MTSS2: variants seen among roughly 807,000 people sequenced by gnomAD.
The protein encoded by MTSS2 is MTSS I-BAR domain containing 2, also known as protein MTSS 2.
Under a neutral mutation model 67.1 loss-of-function variants are expected in MTSS2, and 27 were observed. The observed-to-expected ratio is 0.40, with a 90% CI of 0.30 to 0.55. The LOEUF (loss-of-function observed/expected upper bound fraction) is 0.55, where lower values mean the gene tolerates loss of function less well. Ranked by LOEUF, MTSS2 falls within the 20% of genes least tolerant of loss-of-function variation. MTSS2 has a pLI of 0.43. For missense variants in MTSS2, 1,171 were observed against 1,067.8 expected (o/e 1.10, Z -1.35); for synonymous variants, 624 against 468.6 (o/e 1.33, Z -4.28).
Position 70,663,364 on chromosome 16 carries a change from A to C in MTSS2, c.*313T>G. 1 of 384,870 alleles carries C rather than the reference A, an allele frequency of 2.6e-6. No homozygotes were observed. The allele number at this position is 384,870 out of a possible 1,614,324, so 23.8% of individuals were successfully genotyped here. A position where few individuals can be genotyped will look rare whatever the true frequency, so the allele number is the denominator to read the frequency against. On this transcript the variant is annotated 3_prime_UTR_variant, in exon 15 of 15. Transcript: ENST00000338779. ...CCAGCCTGGCCCCTCTGTCATGGGC[A>C]GCGGCCCTGGCTCTGGTGCTTATGG...
Position 70,661,474 on chromosome 16 carries a change from A to G in MTSS2, c.*2203T>C. 1 of 354,260 alleles carries G rather than the reference A, an allele frequency of 2.8e-6. No individual in the cohort carries two copies. The highest frequency in any genetic ancestry group is 5.6e-6 in the Non-Finnish European group (1 of 179,404). The allele number at this position is 354,260 out of a possible 1,614,324, so 21.9% of individuals were successfully genotyped here. On this transcript the variant is annotated 3_prime_UTR_variant, in exon 15 of 15. Coordinates refer to ENST00000338779, the MANE Select transcript of MTSS2 (RefSeq NM_138383.3). ...AACGAGTTAACAACAGCACCAGGAAAGTTACTTCAGTCAAAAGACGCTTTT... is the reference window on the plus strand; with the variant it reads ...AACGAGTTAACAACAGCACCAGGAAGGTTACTTCAGTCAAAAGACGCTTTT...
At chr16:70,677,255 C>G (rs1296497045) in intron 9 of MTSS2, among the ~76,000 whole-genome samples, 1 of 152,202 alleles carries the variant, frequency 6.6e-6, no homozygotes, top group South Asian at 2.1e-4. Context: ...GCAGGTTGCT[C>G]CTGCGCCTCC....
Position 70,664,150 on chromosome 16 carries a change from C to T in MTSS2, c.1771G>A (p.Val591Ile), listed in dbSNP as rs201877107. The part of the protein sequence containing the change: ...AGPIPIRPPI[V>I]PVKTPTVPDS... ...GGCACCGTGGGCGTCTTCACAGGGA[C>T]GATGGGCGGCCGGATGGGGATGGGG... The change falls in exon 15 of 15, where the codon GTC (valine) becomes ATC (isoleucine). Residue 591 changes from valine to isoleucine, a missense_variant. Transcript: ENST00000338779. 137 of 1,608,538 alleles carry T rather than the reference C, an allele frequency of 8.5e-5. No individual in the cohort carries two copies. Among genetic ancestry groups the T allele is most frequent in the Non-Finnish European group, 9.9e-5 (117 of 1,179,574 alleles).
chr16:70,678,151 C>T (rs1384750098), intron 8 of MTSS2, 101 bp downstream of exon 8: 29 of 1,431,660 alleles, frequency 2.0e-5, no homozygotes, highest in Non-Finnish European at 1.4e-5. Flanking sequence ...GCCTTGATGC[C>T]CCCAGCCAGG....
At chr16:70,675,224 A>T (rs530836707) in intron 10 of MTSS2, among the ~76,000 whole-genome samples, 1 of 152,092 alleles carries the variant, frequency 6.6e-6, no homozygotes, top group South Asian at 2.1e-4. Context: ...GGAATTTGAG[A>T]CCAGCCTGGG....
chr16:70,685,310 C>A (rs2053417892), intron 1 of MTSS2, among the ~76,000 whole-genome samples: 1 of 152,032 alleles, frequency 6.6e-6, no homozygotes, highest in African/African-American at 2.4e-5. Context: ...CCTGCTTTGG[C>A]GGTGACAGCA....
intron 9 of MTSS2, among the ~76,000 whole-genome samples, chr16:70,677,553 G>A (rs2053159842): frequency 6.6e-6 from 1 of 152,170 alleles, no homozygotes; most frequent in African/African-American, 2.4e-5. Context: ...TGACTCCATG[G>A]ATCCAGGACT....
At chr16:70,679,079 T>C (rs1298057565) in intron 7 of MTSS2, among the ~76,000 whole-genome samples, 1 of 152,092 alleles carries the variant, frequency 6.6e-6, no homozygotes, top group African/African-American at 2.4e-5. Flanking sequence ...CATCCCGCCC[T>C]GGCCAACCCC....
At position 70,678,279 on chromosome 16, in the gene MTSS2, G is replaced by A. The variant is rs934782329; in HGVS notation, c.597C>T (p.Thr199=). 11 of 1,611,188 alleles carry A rather than the reference G, an allele frequency of 6.8e-6. No homozygotes were observed. The highest frequency in any genetic ancestry group is 8.5e-6 in the Non-Finnish European group (10 of 1,179,614). The stretch of plus-strand genomic sequence containing the variant: ...CCACAGGCTGCAGGAAGGTGATGAA[G>A]GTGCAGAAGCGGCCCCGCTCCTCGA... The part of the protein sequence containing the change: ...ALIEERGRFC[T]FITFLQPVVN... The change falls in exon 8 of 15, where the codon ACC becomes ACT. Residue 199 remains threonine (T), a synonymous_variant. Coordinates refer to ENST00000338779, the MANE Select transcript of MTSS2 (RefSeq NM_138383.3).
intron 11 of MTSS2, among the ~76,000 whole-genome samples, chr16:70,670,995 A>C (rs34887978): frequency 4.0e-5 from 6 of 149,000 alleles, no homozygotes; most frequent in East Asian, 1.9e-4. Context: ...AAAAAAAAAA[A>C]GTCAAAAGTA....
rs189236470 is a variant in MTSS2 at position 70,667,618 on chromosome 16, C to T, written c.1054-2078G>A. On this transcript the variant is annotated intron_variant, in intron 11 of 14. Coordinates refer to ENST00000338779, the MANE Select transcript of MTSS2 (RefSeq NM_138383.3). ...CTGGGCATGGTGGCTCACACCTATACTCCCAGCACTTTGGGAGGCCAAGAC... is the reference window on the plus strand; with the variant it reads ...CTGGGCATGGTGGCTCACACCTATATTCCCAGCACTTTGGGAGGCCAAGAC... Among the ~76,000 whole-genome samples, 693 of 152,120 alleles carry T rather than the reference C, an allele frequency of 4.6e-3. 4 individuals carry two copies. Among genetic ancestry groups the T allele is most frequent in the African/African-American group, 0.015 (643 of 41,490 alleles).
intron 1 of MTSS2, among the ~76,000 whole-genome samples, chr16:70,683,366 C>G (rs1023951919): frequency 6.6e-6 from 1 of 152,206 alleles, no homozygotes; most frequent in Non-Finnish European, 1.5e-5. Context: ...GCGCCCAGCA[C>G]GCAGTAAGTG....
At position 70,681,393 on chromosome 16, in the gene MTSS2, A is replaced by G. The variant is rs376263518; in HGVS notation, c.70-368T>C. Among the ~76,000 whole-genome samples, 37 of 152,324 alleles carry G rather than the reference A, an allele frequency of 2.4e-4. 1 individual carries two copies. The highest frequency in any genetic ancestry group is 7.5e-4 in the African/African-American group (31 of 41,578). On this transcript the variant is annotated intron_variant, in intron 1 of 14. Transcript: ENST00000338779. ...TGGCAGGGGATCTGGGCTGAGCCCA[A>G]TGAGAGGCATCGTGTCTCCCGGACA...
intron 11 of MTSS2, among the ~76,000 whole-genome samples, chr16:70,671,276 G>A (rs1456452589): frequency 1.3e-5 from 2 of 151,742 alleles, no homozygotes; most frequent in African/African-American, 4.8e-5. Context: ...GGTGGTGTGT[G>A]CCTGTAATCC....
intron 12 of MTSS2, 104 bp from the exon 13 acceptor site, chr16:70,665,200 G>T: frequency 1.5e-6 from 2 of 1,343,388 alleles, no homozygotes; most frequent in Non-Finnish European, 2.0e-6. Flanking sequence ...GGCTATCAGG[G>T]GGTCTCTGGT....
At chr16:70,683,960 C>A (rs2053379731) in intron 1 of MTSS2, among the ~76,000 whole-genome samples, 1 of 152,228 alleles carries the variant, frequency 6.6e-6, no homozygotes. Flanking sequence ...CCAGGTGAAG[C>A]CTCTCCTGTT....
At chr16:70,674,665 C>T in intron 10 of MTSS2, 137 bp from the exon 11 acceptor site, 2 of 751,976 alleles carry the variant, frequency 2.7e-6, no homozygotes, top group East Asian at 5.4e-5. Flanking sequence ...ACTAGGAGGT[C>T]CTGAGACCCA....
At chr16:70,665,700 G>A (rs2052690433) in intron 11 of MTSS2, 160 bp from the exon 12 acceptor site, 4 of 571,704 alleles carry the variant, frequency 7.0e-6, no homozygotes, top group Admixed American at 3.2e-5. Context: ...GGCCACGGCC[G>A]CTGAGTGTCT....
chr16:70,680,929 C>T, intron 2 of MTSS2, 35 bp downstream of exon 2: 1 of 1,576,188 alleles, frequency 6.3e-7, no homozygotes, highest in Non-Finnish European at 8.6e-7. Flanking sequence ...CCTCTGCCTG[C>T]CCCTCCCCTG....
Sources: gnomAD v4.1 joint callset for allele counts (sites outside exome capture counted in the v4.1 genomes callset) on GRCh38, gnomAD v4.1.1 for gene constraint, MANE v1.5 for transcripts, NCBI Gene and HGNC (gene_info 2026-07-23, HGNC 2026-07-21) for gene names.